The following PCCA variants were observed in gnomAD, a reference collection of about 807,000 sequenced individuals.
PCCA encodes propionyl-CoA carboxylase alpha chain, mitochondrial.
In PCCA, 74 loss-of-function variants were observed where a neutral mutation model predicts 101.3. The observed-to-expected ratio is 0.73, with a 90% CI of 0.61 to 0.89. The LOEUF is 0.89. Among genes scored for constraint, PCCA ranks in the 40% least tolerant of loss-of-function variants. PCCA has a pLI of 0.00. For synonymous variants in PCCA, 294 were observed against 313.6 expected, an observed-to-expected ratio of 0.94 and a Z score of 0.66; for missense variants, 891 against 907.0, an observed-to-expected ratio of 0.98 and a Z score of 0.23.
intron 1 of PCCA, among the ~76,000 whole-genome samples, chr13:100,094,564 A>G (rs1365523949): frequency 6.6e-6 from 1 of 152,174 alleles, no homozygotes; most frequent in African/African-American, 2.4e-5. Flanking sequence ...AACCTAATAC[A>G]GCATCCATGT....
At position 100,530,192 on chromosome 13, in the gene PCCA, C is replaced by T. The variant is rs1333054872; in HGVS notation, c.*26C>T. ...AGGATTTATAACCTTTCAGTCATCA[C>T]CCAATTTAATTAGCCATTTGCATGA... On this transcript the variant is annotated 3_prime_UTR_variant, in exon 24 of 24. Coordinates refer to ENST00000376285, the MANE Select transcript of PCCA (RefSeq NM_000282.4). 6.3e-7 allele frequency: 1 copy of T among 1,578,884 alleles called. No homozygotes were observed.
intron 6 of PCCA, among the ~76,000 whole-genome samples, chr13:100,183,689 C>T (rs1456006054): frequency 3.9e-5 from 6 of 151,946 alleles, no homozygotes; most frequent in African/African-American, 1.5e-4. Flanking sequence ...GCTGTAGTGT[C>T]GGGATGGCAG....
intron 7 of PCCA, among the ~76,000 whole-genome samples, chr13:100,214,179 G>A (rs1437592563): frequency 6.6e-6 from 1 of 151,892 alleles, no homozygotes; most frequent in Non-Finnish European, 1.5e-5. Flanking sequence ...TTTTCCTCAG[G>A]ATAGCTTTGC....
intron 1 of PCCA, among the ~76,000 whole-genome samples, chr13:100,097,724 C>CA (rs1449249108): frequency 6.6e-6 from 1 of 152,020 alleles, no homozygotes; most frequent in Non-Finnish European, 1.5e-5. Flanking sequence ...TCTCAAAAAA[C>CA]AAACAAACAC....
intron 19 of PCCA, among the ~76,000 whole-genome samples, chr13:100,387,627 G>A (rs982720384): frequency 5.3e-5 from 8 of 152,150 alleles, no homozygotes; most frequent in African/African-American, 1.9e-4. Context: ...GGAGGGGGTT[G>A]GATAAACAAG....
chr13:100,178,138 A>G (rs1199061162), intron 6 of PCCA, among the ~76,000 whole-genome samples: 1 of 152,170 alleles, frequency 6.6e-6, no homozygotes, highest in African/African-American at 2.4e-5. Context: ...TACTTTTGCT[A>G]TAGAAAATCA....
chr13:100,384,151 G>A (rs757789051), intron 19 of PCCA, among the ~76,000 whole-genome samples: 4 of 151,812 alleles, frequency 2.6e-5, no homozygotes, highest in East Asian at 3.9e-4. Flanking sequence ...TCAGCTTCCC[G>A]AGTAGCTGGG....
chr13:100,263,756 C>T (rs1380678956), intron 10 of PCCA, among the ~76,000 whole-genome samples: 1 of 151,706 alleles, frequency 6.6e-6, no homozygotes, highest in East Asian at 1.9e-4. Flanking sequence ...ATTGATATAT[C>T]ACATATAATA....
At chr13:100,175,141 TA>T (rs1467995848) in intron 6 of PCCA, among the ~76,000 whole-genome samples, 3 of 152,214 alleles carry the variant, frequency 2.0e-5, no homozygotes, top group African/African-American at 4.8e-5. Context: ...TATTATGATT[TA>T]TTTTTTTCTT....
At chr13:100,350,818 TC>T (rs376782672) in intron 18 of PCCA, among the ~76,000 whole-genome samples, 33 of 152,286 alleles carry the variant, frequency 2.2e-4, no homozygotes, top group Non-Finnish European at 4.6e-4. Context: ...CACTGGCAAA[TC>T]CTATTCATAC....
chr13:100,373,793 T>G (rs1423324699), intron 19 of PCCA, among the ~76,000 whole-genome samples: 1 of 152,070 alleles, frequency 6.6e-6, no homozygotes, highest in Non-Finnish European at 1.5e-5. Flanking sequence ...ACAAAACAAA[T>G]CAGTATTTAT....
At chr13:100,384,656 T>C (rs1226732793) in intron 19 of PCCA, among the ~76,000 whole-genome samples, 1 of 152,190 alleles carries the variant, frequency 6.6e-6, no homozygotes, top group Non-Finnish European at 1.5e-5. Flanking sequence ...AACATTATTA[T>C]ATGTATTCTT....
intron 21 of PCCA, among the ~76,000 whole-genome samples, chr13:100,498,268 T>A (rs1003303495): frequency 3.3e-5 from 5 of 152,020 alleles, no homozygotes; most frequent in East Asian, 3.9e-4. Flanking sequence ...GATTTTTTTT[T>A]ATTTTTTCAT....
intron 4 of PCCA, among the ~76,000 whole-genome samples, chr13:100,116,080 G>A (rs117698403): frequency 1.2e-4 from 19 of 152,218 alleles, no homozygotes; most frequent in Non-Finnish European, 2.4e-4. Context: ...GTGAATTCCT[G>A]TAACAGCATC....
intron 17 of PCCA, among the ~76,000 whole-genome samples, chr13:100,338,156 G>GC (rs1320282140): frequency 6.6e-6 from 1 of 152,174 alleles, no homozygotes; most frequent in Non-Finnish European, 1.5e-5. Context: ...CTGGTGAAGT[G>GC]CACACAGCAT....
chr13:100,502,934 AG>A (rs2085787302), intron 21 of PCCA, among the ~76,000 whole-genome samples: 1 of 152,210 alleles, frequency 6.6e-6, no homozygotes. Flanking sequence ...GCGTTGGGAA[AG>A]GTTGTGGAAG....
intron 6 of PCCA, among the ~76,000 whole-genome samples, chr13:100,171,331 G>A (rs1007738434): frequency 1.3e-5 from 2 of 152,130 alleles, no homozygotes. Context: ...ATTTAAAACT[G>A]TAAAGCCCAG....
intron 6 of PCCA, among the ~76,000 whole-genome samples, chr13:100,173,625 C>T (rs920859903): frequency 5.3e-5 from 8 of 152,066 alleles, no homozygotes; most frequent in Non-Finnish European, 1.0e-4. Context: ...GCTGCATAGG[C>T]TGGTAGGTGT....
chr13:100,431,605 G>A (rs902368930), intron 20 of PCCA, among the ~76,000 whole-genome samples: 2 of 152,154 alleles, frequency 1.3e-5, no homozygotes, highest in African/African-American at 2.4e-5. Context: ...AGTGGCTCAC[G>A]CCTGTAATCC....
Sources: gnomAD v4.1 joint callset for allele counts (sites outside exome capture counted in the v4.1 genomes callset) on GRCh38, gnomAD v4.1.1 for gene constraint, MANE v1.5 for transcripts, NCBI Gene and HGNC (gene_info 2026-07-23, HGNC 2026-07-21) for gene names.